The following RBFOX1 variants were observed in gnomAD, a reference collection of about 807,000 sequenced individuals.
The protein encoded by RBFOX1 is RNA binding protein fox-1 homolog 1.
Under a neutral mutation model 57.7 loss-of-function variants are expected in RBFOX1, and 8 were observed. The observed-to-expected ratio is 0.14, with a 90% CI of 0.08 to 0.25. The LOEUF (loss-of-function observed/expected upper bound fraction) is 0.25, where lower values mean the gene tolerates loss of function less well. Among genes scored for constraint, RBFOX1 ranks in the 10% least tolerant of loss-of-function variants. The pLI is 1.00. For missense variants in RBFOX1, 611 were observed against 548.5 expected (o/e 1.11, Z -1.14); for synonymous variants, 326 against 222.4 (o/e 1.47, Z -4.15).
chr16:6,684,872 A>G (rs2059193271), intron 3 of RBFOX1, among the ~76,000 whole-genome samples: 1 of 152,176 alleles, frequency 6.6e-6, no homozygotes, highest in Non-Finnish European at 1.5e-5. Flanking sequence ...CTTCATGCAA[A>G]AGGAGCTAGC....
intron 3 of RBFOX1, among the ~76,000 whole-genome samples, chr16:6,714,458 C>G (rs545992758): frequency 1.3e-5 from 2 of 152,092 alleles, no homozygotes; most frequent in Non-Finnish European, 2.9e-5. Flanking sequence ...TATCCCACTA[C>G]GGGATCCTTG....
At chr16:7,131,487 G>A (rs1298319875) in intron 4 of RBFOX1, among the ~76,000 whole-genome samples, 1 of 150,264 alleles carries the variant, frequency 6.7e-6, no homozygotes, top group East Asian at 2.0e-4. Flanking sequence ...CCATTTTATA[G>A]TTGAGGGAAT....
chr16:5,315,972 T>C (rs1019147546), intron 1 of RBFOX1, among the ~76,000 whole-genome samples: 44 of 152,124 alleles, frequency 2.9e-4, no homozygotes, highest in Non-Finnish European at 3.2e-4. Context: ...ACCTGACCCC[T>C]GTGGTCTCAA....
intron 4 of RBFOX1, among the ~76,000 whole-genome samples, chr16:7,307,135 A>G (rs1214689505): frequency 1.3e-5 from 2 of 152,208 alleles, no homozygotes; most frequent in East Asian, 1.9e-4. Context: ...AAAGTAATCA[A>G]CCCACATTGA....
At chr16:7,618,662 G>C (rs575785304) in intron 10 of RBFOX1, among the ~76,000 whole-genome samples, 1 of 152,096 alleles carries the variant, frequency 6.6e-6, no homozygotes, top group South Asian at 2.1e-4. Flanking sequence ...TTAAGTTGGT[G>C]TATAAATAGA....
At chr16:6,127,170 G>C (rs985620090) in intron 1 of RBFOX1, among the ~76,000 whole-genome samples, 1 of 152,082 alleles carries the variant, frequency 6.6e-6, no homozygotes, top group African/African-American at 2.4e-5. Flanking sequence ...AACATGGGTT[G>C]AATGGAGTAA....
chr16:7,531,333 T>G (rs113214381), intron 5 of RBFOX1, among the ~76,000 whole-genome samples: 3 of 152,286 alleles, frequency 2.0e-5, no homozygotes, highest in African/African-American at 7.2e-5. Context: ...TAATGATCAC[T>G]AGCATTTAGT....
chr16:7,040,897 G>GA (rs59529282), intron 3 of RBFOX1, among the ~76,000 whole-genome samples: 10,685 of 146,294 alleles, frequency 0.073, 662 homozygotes, highest in East Asian at 0.32. Context: ...TTTTTTTTTT[G>GA]TTTTGTTTTT....
chr16:5,283,553 G>A (rs2063322882), intron 1 of RBFOX1, among the ~76,000 whole-genome samples: 1 of 152,136 alleles, frequency 6.6e-6, no homozygotes, highest in African/African-American at 2.4e-5. Flanking sequence ...AAGGCCATGG[G>A]AGCCCACCTC....
intron 4 of RBFOX1, among the ~76,000 whole-genome samples, chr16:7,459,137 G>C (rs2059087814): frequency 6.6e-6 from 1 of 152,164 alleles, no homozygotes; most frequent in Non-Finnish European, 1.5e-5. Flanking sequence ...TGAGTGGATG[G>C]ATGAATGACG....
intron 3 of RBFOX1, among the ~76,000 whole-genome samples, chr16:7,042,845 G>A (rs1291980505): frequency 6.6e-6 from 1 of 152,178 alleles, no homozygotes; most frequent in Non-Finnish European, 1.5e-5. Flanking sequence ...AGAATCACTT[G>A]AACCTGGGAG....
intron 4 of RBFOX1, among the ~76,000 whole-genome samples, chr16:5,900,910 A>G (rs984844825): frequency 1.8e-4 from 28 of 152,214 alleles, no homozygotes; most frequent in African/African-American, 6.5e-4. Flanking sequence ...GGGGAAATTA[A>G]TAGAACAAAT....
intron 4 of RBFOX1, among the ~76,000 whole-genome samples, chr16:7,185,194 C>CCTCT (rs5815381): frequency 6.7e-6 from 1 of 150,312 alleles, no homozygotes; most frequent in Non-Finnish European, 1.5e-5. Context: ...TCACATTATA[C>CCTCT]CTCTCTCTCT....
At chr16:5,408,803 A>C (rs1287506304) in intron 1 of RBFOX1, among the ~76,000 whole-genome samples, 1 of 152,164 alleles carries the variant, frequency 6.6e-6, no homozygotes. Flanking sequence ...AGCAAGACAG[A>C]GTTGGGGGTT....
At chr16:5,978,925 C>T (rs1299187706) in intron 4 of RBFOX1, among the ~76,000 whole-genome samples, 4 of 152,196 alleles carry the variant, frequency 2.6e-5, no homozygotes, top group Non-Finnish European at 5.9e-5. Context: ...CCAGCTTCTC[C>T]ATTGTGAAGT....
chr16:7,675,407 A>C (rs1451117984), intron 13 of RBFOX1, among the ~76,000 whole-genome samples: 3 of 145,902 alleles, frequency 2.1e-5, no homozygotes, highest in Non-Finnish European at 4.5e-5. Flanking sequence ...TTTAAGGGAA[A>C]CAAAAAAAAA....
chr16:6,733,753 G>A (rs759693316), intron 3 of RBFOX1, among the ~76,000 whole-genome samples: 6 of 150,996 alleles, frequency 4.0e-5, no homozygotes, highest in Non-Finnish European at 8.9e-5. Context: ...GCGAGACCCT[G>A]CCTTAAAAAA....
intron 1 of RBFOX1, among the ~76,000 whole-genome samples, chr16:6,243,616 C>T (rs1007333563): frequency 6.6e-6 from 1 of 152,178 alleles, no homozygotes; most frequent in African/African-American, 2.4e-5. Context: ...GGTGGACCCA[C>T]CTCAGATTCC....
intron 11 of RBFOX1, among the ~76,000 whole-genome samples, chr16:7,649,468 T>G (rs1483788991): frequency 1.3e-5 from 2 of 152,184 alleles, no homozygotes; most frequent in South Asian, 2.1e-4. Flanking sequence ...GGAAATGTAG[T>G]CCAGCATGTC....
Sources: gnomAD v4.1 joint callset for allele counts (sites outside exome capture counted in the v4.1 genomes callset) on GRCh38, gnomAD v4.1.1 for gene constraint, MANE v1.5 for transcripts, NCBI Gene and HGNC (gene_info 2026-07-23, HGNC 2026-07-21) for gene names.